Variants in CEMIP observed in about 807,000 individuals in gnomAD.
CEMIP encodes the protein cell migration-inducing and hyaluronan-binding protein.
A neutral mutation model predicts 156.9 loss-of-function variants in CEMIP; 105 were observed. The ratio of observed to expected loss-of-function variants is 0.67; its 90% confidence interval spans 0.57 to 0.79. The LOEUF (loss-of-function observed/expected upper bound fraction) is 0.79. Ranked by LOEUF, CEMIP falls within the 30% of genes least tolerant of loss-of-function variation. CEMIP has a pLI of 0.00. For synonymous variants in CEMIP, 676 were observed against 668.4 expected (o/e 1.01, Z -0.17); for missense variants, 1,457 against 1,769.4 (o/e 0.82, Z 3.17).
At chr15:80,817,718 G>A (rs547728194) in intron 1 of CEMIP, among the ~76,000 whole-genome samples, 6 of 151,926 alleles carry the variant, frequency 3.9e-5, no homozygotes, top group Non-Finnish European at 8.8e-5. Context: ...CTGCTGCAAA[G>A]ATGAGCGAGA....
intron 1 of CEMIP, among the ~76,000 whole-genome samples, chr15:80,858,551 T>TAAAAAAAAAAAAAAA (rs59305579): frequency 7.7e-6 from 1 of 130,508 alleles, no homozygotes; most frequent in African/African-American, 2.9e-5. Flanking sequence ...TGGTCTCTAC[T>TAAAAAAAAAAAAAAA]AAAAAAAAAA....
intron 1 of CEMIP, among the ~76,000 whole-genome samples, chr15:80,831,287 G>T (rs575637556): frequency 6.6e-6 from 1 of 152,272 alleles, no homozygotes; most frequent in South Asian, 2.1e-4. Flanking sequence ...TATCGTGGGA[G>T]AGGCTCAGAG....
intron 1 of CEMIP, among the ~76,000 whole-genome samples, chr15:80,855,156 A>G (rs1897820010): frequency 1.3e-5 from 2 of 152,334 alleles, no homozygotes; most frequent in Admixed American, 1.3e-4. Flanking sequence ...CACTGCACTG[A>G]AGCTCTTTGA....
intron 1 of CEMIP, among the ~76,000 whole-genome samples, chr15:80,827,044 A>T (rs28480652): frequency 0.025 from 3,754 of 152,296 alleles, 168 homozygotes; most frequent in African/African-American, 0.086. Flanking sequence ...CTAAGGTCAT[A>T]GTTCCTGCCC....
intron 7 of CEMIP, among the ~76,000 whole-genome samples, chr15:80,885,118 G>T (rs1283300014): frequency 1.3e-5 from 2 of 152,036 alleles, no homozygotes; most frequent in East Asian, 3.9e-4. Flanking sequence ...TCCCCTCCCT[G>T]TGTCCATGGT....
At chr15:80,797,709 C>A (rs1305565005) in intron 1 of CEMIP, among the ~76,000 whole-genome samples, 1 of 152,206 alleles carries the variant, frequency 6.6e-6, no homozygotes, top group Non-Finnish European at 1.5e-5. Flanking sequence ...ATGGAGGGGC[C>A]AGCTTGGGTA....
At chr15:80,839,786 G>C (rs1897353437) in intron 1 of CEMIP, among the ~76,000 whole-genome samples, 1 of 152,222 alleles carries the variant, frequency 6.6e-6, no homozygotes, top group Non-Finnish European at 1.5e-5. Context: ...CTCCCAGGTG[G>C]TCATTCCTTC....
chr15:80,885,664 C>A (rs1034991597), intron 7 of CEMIP, among the ~76,000 whole-genome samples: 1 of 152,142 alleles, frequency 6.6e-6, no homozygotes, highest in African/African-American at 2.4e-5. Context: ...TGACTGCAGG[C>A]AAGTGACTCA....
chr15:80,905,773 G>A (rs1306795374), intron 12 of CEMIP, among the ~76,000 whole-genome samples: 1 of 152,206 alleles, frequency 6.6e-6, no homozygotes, highest in Non-Finnish European at 1.5e-5. Flanking sequence ...AATCACTAGT[G>A]GAGGGAGTCC....
chr15:80,838,195 C>G (rs114611725), intron 1 of CEMIP, among the ~76,000 whole-genome samples: 28 of 152,096 alleles, frequency 1.8e-4, no homozygotes, highest in Non-Finnish European at 7.4e-5. Flanking sequence ...TCGCAGGGAG[C>G]GGAGGGTGGG....
chr15:80,800,941 C>T (rs984553415), intron 1 of CEMIP, among the ~76,000 whole-genome samples: 5 of 152,242 alleles, frequency 3.3e-5, no homozygotes, highest in African/African-American at 1.2e-4. Flanking sequence ...CTACACCTTC[C>T]TCTCCAGCTT....
chr15:80,913,680 A>G (rs1401830342), intron 14 of CEMIP, among the ~76,000 whole-genome samples: 2 of 152,252 alleles, frequency 1.3e-5, no homozygotes, highest in Non-Finnish European at 2.9e-5. Flanking sequence ...ATTAAATAGT[A>G]TCACTGTGTG....
chr15:80,857,554 T>A (rs1897883325), intron 1 of CEMIP, among the ~76,000 whole-genome samples: 1 of 152,132 alleles, frequency 6.6e-6, no homozygotes, highest in African/African-American at 2.4e-5. Context: ...GCAGAAGGTG[T>A]CTTAGAGCAG....
Position 80,847,069 on chromosome 15 carries a change from G to T in CEMIP, c.-175-26469G>T, listed in dbSNP as rs115991825. On this transcript the variant is annotated intron_variant, in intron 1 of 29. Coordinates refer to ENST00000394685, the MANE Select transcript of CEMIP (RefSeq NM_001293298.2). The stretch of plus-strand genomic sequence containing the variant: ...TTGGAGGTGGGGTGGGCAGGACAGG[G>T]TCTCGCTGTGCCACGCAGGCTGGAG... 1.5e-3 allele frequency among the ~76,000 whole-genome samples: 227 copies of T among 152,294 alleles called. 1 individual carries two copies. Among genetic ancestry groups the T allele is most frequent in the African/African-American group, 5.1e-3 (210 of 41,558 alleles).
At position 80,920,180 on chromosome 15, in the gene CEMIP, T is replaced by C. The variant is rs2271160; in HGVS notation, c.1884T>C (p.Cys628=). 0.15 allele frequency: 234,369 copies of C among 1,614,022 alleles called. 17,563 individuals carry two copies. Among genetic ancestry groups the C allele is most frequent in the East Asian group, 0.27 (11,923 of 44,850 alleles). The change falls in exon 15 of 30, where the codon TGT becomes TGC. Residue 628 remains cysteine, a synonymous_variant. Transcript: ENST00000394685. ...AGGAACGCAACACTTTTGACCACTGTCTTGGCCTCCTTGTCAAGTCTGGAA... is the reference window on the plus strand; with the variant it reads ...AGGAACGCAACACTTTTGACCACTGCCTTGGCCTCCTTGTCAAGTCTGGAA... ...GPEERNTFDH[C]LGLLVKSGTL...
chr15:80,950,825 G>A lies in CEMIP; in HGVS notation c.*1901G>A, dbSNP rs1901787198. 1 of 152,628 alleles carries A rather than the reference G, an allele frequency of 6.6e-6. No individual in the cohort carries two copies. Among genetic ancestry groups the A allele is most frequent in the African/African-American group, 2.4e-5 (1 of 41,426 alleles). 9.5% of individuals were successfully genotyped at this position (152,628 alleles called of 1,614,324 possible). A position where few individuals can be genotyped will look rare whatever the true frequency, so the allele number is the denominator to read the frequency against. On this transcript the variant is annotated 3_prime_UTR_variant, in exon 30 of 30. Coordinates refer to ENST00000394685, the MANE Select transcript of CEMIP (RefSeq NM_001293298.2). ...TGCACGAGGCACCAGAGTCTCCCTG[G>A]GTCTTGTGATGAACTACATTTATCC...
intron 12 of CEMIP, chr15:80,897,458 C>T (rs1899280477): frequency 2.4e-6 from 1 of 410,574 alleles, no homozygotes; most frequent in Non-Finnish European, 4.9e-6. Context: ...ACAAACAATG[C>T]AGCTGTGATG....
At chr15:80,948,033 A>T (rs1901636575) in intron 29 of CEMIP, 1 of 152,768 alleles carries the variant, frequency 6.5e-6, no homozygotes, top group South Asian at 2.1e-4. Context: ...AGGAGGACAT[A>T]AGGAAAAGAG....
intron 18 of CEMIP, 150 bp from the exon 19 acceptor site, chr15:80,925,474 C>A: frequency 1.9e-6 from 2 of 1,050,356 alleles, no homozygotes; most frequent in South Asian, 1.5e-5. Context: ...AAAGTTCATT[C>A]AAGAGCCCAG....
Sources: allele counts gnomAD v4.1 joint callset (sites outside exome capture counted in the v4.1 genomes callset), GRCh38; gene constraint gnomAD v4.1.1; transcripts MANE v1.5; gene names NCBI Gene and HGNC (gene_info 2026-07-23, HGNC 2026-07-21).